THRAP3: variants seen among roughly 807,000 people sequenced by gnomAD.
THRAP3 encodes thyroid hormone receptor associated protein 3.
A neutral mutation model predicts 101.0 loss-of-function variants in THRAP3; 16 were observed. The observed-to-expected ratio is 0.16, with a 90% CI of 0.11 to 0.24. THRAP3 has a LOEUF of 0.24. THRAP3 is among the 10% of genes least tolerant of loss of function. THRAP3 has a pLI of 1.00. For missense variants in THRAP3, 989 were observed against 1,202.7 expected (o/e 0.82, Z 2.63); for synonymous variants, 407 against 422.6 (o/e 0.96, Z 0.45).
At chr1:36,239,034 C>T (rs987833568) in intron 1 of THRAP3, among the ~76,000 whole-genome samples, 2 of 151,486 alleles carry the variant, frequency 1.3e-5, no homozygotes, top group East Asian at 1.9e-4. Context: ...CCTGGGTTCA[C>T]GCCATTCTCC....
rs1233037903 is a variant in THRAP3 at position 36,286,709 on chromosome 1, C to G, written c.479C>G (p.Ser160Cys). Reference protein sequence around the residue: ...SSDRSRRSSSSRSSSNHSRVE... With the variant: ...SSDRSRRSSSCRSSSNHSRVE... ...GACCGGTCAAGGCGCTCCTCATCCTCCCGTTCTTCCTCCAACCATAGCCGA... is the reference window on the plus strand; with the variant it reads ...GACCGGTCAAGGCGCTCCTCATCCTGCCGTTCTTCCTCCAACCATAGCCGA... Residue 160 changes from serine to cysteine, a missense_variant, in exon 4 of 12, where the codon TCC (serine) becomes TGC (cysteine). Transcript: ENST00000354618. The surrounding 1 kb of genome is among the most constrained non-coding windows in gnomAD (Gnocchi z 5.5). The G allele has an allele frequency of 6.2e-7, 1 of 1,614,128 alleles. No individual in the cohort carries two copies. Among genetic ancestry groups the G allele is most frequent in the Non-Finnish European group, 8.5e-7 (1 of 1,180,044 alleles).
chr1:36,211,472 C>A, the THRAP3 span, among the ~76,000 whole-genome samples: 586 of 152,118 alleles, frequency 3.9e-3, 3 homozygotes, highest in Non-Finnish European at 5.2e-3. Context: ...CAGGAAGTGG[C>A]GGCTGCAGTG....
rs866453829 is a variant in THRAP3, at chr1:36,243,851, C to T, written c.-134-15531C>T. 9.4e-3 allele frequency among the ~76,000 whole-genome samples: 1,338 copies of T among 142,248 alleles called. 23 individuals carry two copies. Among genetic ancestry groups the T allele is most frequent in the African/African-American group, 0.033 (1,269 of 38,604 alleles). The allele number at this position is 142,248 out of a possible 152,430, so 93.3% of individuals were successfully genotyped here. On this transcript the variant is annotated intron_variant, in intron 1 of 11. Coordinates refer to ENST00000354618, the MANE Select transcript of THRAP3 (RefSeq NM_005119.4). ...CTGACCCCCACACCTCCCTCCCGGA[C>T]GGGGCGGCTGGCCGGGTGGGGGGCT...
intron 1 of THRAP3, among the ~76,000 whole-genome samples, chr1:36,226,448 C>T (rs889673326): frequency 9.2e-5 from 14 of 152,122 alleles, no homozygotes; most frequent in African/African-American, 3.1e-4. Context: ...GTAGTAGAGA[C>T]GGGGTTTCAC....
intron 1 of THRAP3, among the ~76,000 whole-genome samples, chr1:36,243,793 A>T (rs1645194989): frequency 1.3e-4 from 1 of 7,754 alleles, no homozygotes; most frequent in African/African-American, 5.8e-4. Context: ...GGCGCCCCTC[A>T]CCTCCCGGAC....
rs546906466 is a variant in THRAP3 at position 36,249,230 on chromosome 1, C to T, written c.-134-10152C>T. On this transcript the variant is annotated intron_variant, in intron 1 of 11. Coordinates refer to ENST00000354618, the MANE Select transcript of THRAP3 (RefSeq NM_005119.4). ...TTTTTTTGAGATGGAGTCTCGCTCT[C>T]GCCCAGGCTGGAATGCAGTGGCGCA... Among the ~76,000 whole-genome samples the T allele has an allele frequency of 2.9e-5, 4 of 139,732 alleles. No homozygotes were observed. In the East Asian group the frequency reaches 8.7e-4, roughly 31 times the overall value. The allele number at this position is 139,732 out of a possible 152,430, so 91.7% of individuals were successfully genotyped here.
intron 5 of THRAP3, among the ~76,000 whole-genome samples, chr1:36,290,755 C>T (rs920572758): frequency 2.6e-5 from 4 of 152,090 alleles, no homozygotes; most frequent in Middle Eastern, 3.2e-3. Flanking sequence ...CATGAGCCAC[C>T]GTGCCTGGCC....
At chr1:36,264,712 T>A (rs1645489950) in intron 2 of THRAP3, among the ~76,000 whole-genome samples, 1 of 152,252 alleles carries the variant, frequency 6.6e-6, no homozygotes, top group Admixed American at 6.5e-5. Flanking sequence ...TGGTCTTAAC[T>A]GTGAAATATT....
chr1:36,299,492 CTTTTT>C (rs762518758), intron 9 of THRAP3, among the ~76,000 whole-genome samples: 1 of 146,658 alleles, frequency 6.8e-6, no homozygotes, highest in Admixed American at 6.8e-5. Flanking sequence ...TTTTGAGAGT[CTTTTT>C]TTTTTGTTTT....
At chr1:36,210,721 A>AT in the THRAP3 span, among the ~76,000 whole-genome samples, 1 of 7,422 alleles carries the variant, frequency 1.3e-4, no homozygotes, top group East Asian at 4.1e-3. Context: ...ATATATATAT[A>AT]TATATATATA....
intron 1 of THRAP3, among the ~76,000 whole-genome samples, chr1:36,241,260 A>T (rs1645153212): frequency 6.7e-6 from 1 of 150,140 alleles, no homozygotes; most frequent in African/African-American, 2.4e-5. Flanking sequence ...ACCTCTCACC[A>T]CACTTGTTTT....
intron 1 of THRAP3, among the ~76,000 whole-genome samples, chr1:36,239,330 G>T (rs1645128261): frequency 6.9e-6 from 1 of 144,106 alleles, no homozygotes; most frequent in Non-Finnish European, 1.5e-5. Flanking sequence ...CTCGATGTCA[G>T]CTTACTACAA....
intron 2 of THRAP3, among the ~76,000 whole-genome samples, chr1:36,266,723 A>G (rs1417359097): frequency 6.6e-6 from 1 of 152,168 alleles, no homozygotes; most frequent in Non-Finnish European, 1.5e-5. Context: ...CTGAATTTGC[A>G]TTGTCTCAGA....
At chr1:36,250,458 C>T (rs879293044) in intron 1 of THRAP3, among the ~76,000 whole-genome samples, 1 of 151,960 alleles carries the variant, frequency 6.6e-6, no homozygotes, top group Admixed American at 6.6e-5. Flanking sequence ...GTGATCCGCC[C>T]GCCTTGGTCT....
At chr1:36,291,937 C>T (rs1417214512) in intron 6 of THRAP3, among the ~76,000 whole-genome samples, 1 of 152,068 alleles carries the variant, frequency 6.6e-6, no homozygotes, top group Non-Finnish European at 1.5e-5. Context: ...TGGGGTTGGG[C>T]AAGTTAGGGA....
At chr1:36,232,769 G>A (rs1645042014) in intron 1 of THRAP3, among the ~76,000 whole-genome samples, 1 of 152,164 alleles carries the variant, frequency 6.6e-6, no homozygotes, top group Non-Finnish European at 1.5e-5. Context: ...AGTGGTAGGT[G>A]AGTAGATTGC....
chr1:36,277,488 C>T (rs1478159442), intron 2 of THRAP3, among the ~76,000 whole-genome samples: 2 of 151,944 alleles, frequency 1.3e-5, no homozygotes, highest in African/African-American at 4.8e-5. Context: ...GTGTGAACCA[C>T]CACGCCTGGC....
intron 1 of THRAP3, among the ~76,000 whole-genome samples, chr1:36,236,346 G>A (rs1645088293): frequency 6.6e-6 from 1 of 151,980 alleles, no homozygotes; most frequent in Non-Finnish European, 1.5e-5. Context: ...TAGTTCATCA[G>A]TCATACTAGC....
chr1:36,292,330 G>A (rs1238736137), intron 6 of THRAP3, among the ~76,000 whole-genome samples: 1 of 137,362 alleles, frequency 7.3e-6, no homozygotes, highest in African/African-American at 2.8e-5. Context: ...GGAGTGCAGT[G>A]GCGGGATCTC....
Sources: gnomAD v4.1 joint callset for allele counts (sites outside exome capture counted in the v4.1 genomes callset) on GRCh38, gnomAD v4.1.1 for gene constraint, Gnocchi (gnomAD v3.1) non-coding constraint, MANE v1.5 for transcripts, NCBI Gene and HGNC (gene_info 2026-07-23, HGNC 2026-07-21) for gene names.